LARP1B: variants seen among roughly 807,000 people sequenced by gnomAD.
LARP1B encodes La ribonucleoprotein 1B.
In LARP1B, 76 loss-of-function variants were observed where a neutral mutation model predicts 114.2. That is an observed-to-expected ratio of 0.67 (90% CI 0.55 to 0.81). LARP1B has a LOEUF of 0.81. Among genes scored for constraint, LARP1B ranks in the 30% least tolerant of loss-of-function variants. The probability of loss-of-function intolerance (pLI) is 0.00; values close to 1 mark genes in which losing one functional copy is unlikely to be tolerated. For missense variants in LARP1B, 1,014 were observed against 1,075.8 expected, an observed-to-expected ratio of 0.94 and a Z score of 0.80; for synonymous variants, 345 against 348.0, an observed-to-expected ratio of 0.99 and a Z score of 0.10.
At chr4:128,062,194 GC>G in intron 1 of LARP1B, 1 of 985,412 alleles carries the variant, frequency 1.0e-6, no homozygotes, top group Non-Finnish European at 1.2e-6. Context: ...GTCCGCCACC[GC>G]CCCCGCTGGA....
intron 11 of LARP1B, among the ~76,000 whole-genome samples, chr4:128,138,831 C>G (rs906502382): frequency 2.0e-5 from 3 of 152,050 alleles, no homozygotes; most frequent in African/African-American, 7.3e-5. Flanking sequence ...GTGGTAGGCA[C>G]CTGTAGTCCG....
chr4:128,169,817 A>G (rs958483461), intron 12 of LARP1B, among the ~76,000 whole-genome samples: 2 of 151,968 alleles, frequency 1.3e-5, no homozygotes, highest in African/African-American at 2.4e-5. Flanking sequence ...TTGTATTTTT[A>G]GTAAAGACCA....
intron 15 of LARP1B, among the ~76,000 whole-genome samples, chr4:128,181,564 A>G (rs560161495): frequency 1.3e-5 from 2 of 151,948 alleles, no homozygotes; most frequent in Non-Finnish European, 1.5e-5. Flanking sequence ...TATCTCTACT[A>G]TTGACTTATT....
intron 17 of LARP1B, among the ~76,000 whole-genome samples, chr4:128,203,012 A>G (rs1230861034): frequency 2.6e-5 from 4 of 152,190 alleles, no homozygotes; most frequent in African/African-American, 9.7e-5. Context: ...AGCCTGGCCA[A>G]CATGGCAAAA....
intron 11 of LARP1B, among the ~76,000 whole-genome samples, chr4:128,140,706 C>G (rs574708621): frequency 9.9e-5 from 15 of 151,946 alleles, no homozygotes; most frequent in Admixed American, 6.6e-4. Context: ...TACTAAAAGG[C>G]TAGAATTAAA....
rs869184167 is a variant in LARP1B at position 128,098,767 on chromosome 4, ATTTTTTTTTTTTT to A, written c.813+453_813+465del. Among the ~76,000 whole-genome samples, 256 of 35,036 alleles carry A rather than the reference ATTTTTTTTTTTTT, an allele frequency of 7.3e-3. 25 individuals are homozygous for A. Among genetic ancestry groups the A allele is most frequent in the African/African-American group, 0.03 (239 of 7,954 alleles). 23.0% of individuals were successfully genotyped at this position (35,036 alleles called of 152,430 possible). On this transcript the variant is annotated intron_variant, in intron 8 of 19. Transcript: ENST00000326639. Reference sequence around the variant, plus strand: ...TATGTGTATATATATATATATATATATTTTTTTTTTTTTTTTTTTTTTTTTTTTAAGACAGTGT... The same window carrying A: ...TATGTGTATATATATATATATATATATTTTTTTTTTTTTTTAAGACAGTGT...
At chr4:128,157,801 G>A (rs1052266415) in intron 11 of LARP1B, among the ~76,000 whole-genome samples, 2 of 152,050 alleles carry the variant, frequency 1.3e-5, no homozygotes, top group African/African-American at 4.8e-5. Context: ...AAAAATGAAG[G>A]TAAAATAGAG....
intron 4 of LARP1B, among the ~76,000 whole-genome samples, chr4:128,081,677 C>G (rs1044152595): frequency 2.0e-5 from 3 of 152,052 alleles, no homozygotes; most frequent in African/African-American, 4.8e-5. Context: ...AAAGAGCTGT[C>G]CTTCTTTAGA....
At chr4:128,073,966 G>C (rs1035167371) in intron 1 of LARP1B, among the ~76,000 whole-genome samples, 1 of 151,024 alleles carries the variant, frequency 6.6e-6, no homozygotes, top group Non-Finnish European at 1.5e-5. Context: ...TTGTGGTGGA[G>C]TTTTGCTCTT....
chr4:128,122,451 T>G (rs761722079), intron 11 of LARP1B: 2 of 1,512,140 alleles, frequency 1.3e-6, no homozygotes, highest in African/African-American at 2.9e-5. Context: ...TTTTTTTTTT[T>G]TTGTTTTGTT....
intron 12 of LARP1B, among the ~76,000 whole-genome samples, chr4:128,163,630 C>T (rs1421155789): frequency 6.6e-6 from 1 of 152,018 alleles, no homozygotes; most frequent in Non-Finnish European, 1.5e-5. Flanking sequence ...AATTATTTCC[C>T]TTTGTTTACT....
At chr4:128,153,128 G>A (rs1733688504) in intron 11 of LARP1B, among the ~76,000 whole-genome samples, 1 of 150,136 alleles carries the variant, frequency 6.7e-6, no homozygotes, top group Non-Finnish European at 1.5e-5. Flanking sequence ...GATTACAGGT[G>A]CCCGCCAGCA....
intron 11 of LARP1B, among the ~76,000 whole-genome samples, chr4:128,144,676 GTATT>G (rs1729546194): frequency 6.6e-6 from 1 of 151,962 alleles, no homozygotes. Context: ...AGATTGGACT[GTATT>G]TATCATTCTG....
chr4:128,210,657 AGATTGTAGTTACAATGAGTAT>A lies in LARP1B; in HGVS notation c.*605_*625del. ...AAAACAAAAGTAGGAATATATAGTA[AGATTGTAGTTACAATGAGTAT>A]ATGCACTTTTGATGCTAGGTTTTGC... On this transcript the variant is annotated 3_prime_UTR_variant, in exon 20 of 20. Coordinates refer to ENST00000326639, the MANE Select transcript of LARP1B (RefSeq NM_018078.4). 1.0e-6 allele frequency: 1 copy of A among 961,204 alleles called. No homozygotes were observed. The highest frequency in any genetic ancestry group is 1.2e-6 in the Non-Finnish European group (1 of 807,874). 59.5% of individuals were successfully genotyped at this position (961,204 alleles called of 1,614,324 possible).
intron 11 of LARP1B, chr4:128,122,896 A>T: frequency 1.0e-6 from 1 of 995,954 alleles, no homozygotes; most frequent in Non-Finnish European, 1.2e-6. Flanking sequence ...TTATAATGGT[A>T]CAGATATGGG....
chr4:128,069,473 G>A, intron 1 of LARP1B: 1 of 755,542 alleles, frequency 1.3e-6, no homozygotes, highest in East Asian at 2.4e-5. Flanking sequence ...TGGCCTTGTA[G>A]CCCAGCTGGT....
At chr4:128,183,548 A>G (rs1749290275) in intron 15 of LARP1B, among the ~76,000 whole-genome samples, 1 of 152,230 alleles carries the variant, frequency 6.6e-6, no homozygotes, top group African/African-American at 2.4e-5. Flanking sequence ...AGTGTACGTC[A>G]TCACCCAAGA....
chr4:128,108,569 T>C (rs1283523201), intron 9 of LARP1B: 11 of 985,526 alleles, frequency 1.1e-5, no homozygotes, highest in Non-Finnish European at 1.3e-5. Flanking sequence ...ATATGTTTCT[T>C]TGTCAGCCTT....
intron 5 of LARP1B, 147 bp from the exon 6 acceptor site, chr4:128,090,854 T>A (rs1775662686): frequency 1.8e-6 from 1 of 567,124 alleles, no homozygotes; most frequent in African/African-American, 1.9e-5. Flanking sequence ...TTATTGGATC[T>A]CTTCAGTTTG....
Sources: gnomAD v4.1 joint callset for allele counts (sites outside exome capture counted in the v4.1 genomes callset) on GRCh38, gnomAD v4.1.1 for gene constraint, MANE v1.5 for transcripts, NCBI Gene and HGNC (gene_info 2026-07-23, HGNC 2026-07-21) for gene names.